Variants in FBXW11 observed in about 807,000 individuals in gnomAD.
The protein encoded by FBXW11 is F-box and WD repeat domain containing 11, also known as F-box/WD repeat-containing protein 11.
In FBXW11, 19 loss-of-function variants were observed where a neutral mutation model predicts 77.6. That is an observed-to-expected ratio of 0.24 (90% CI 0.17 to 0.36). FBXW11 has a LOEUF of 0.36. Ranked by LOEUF, FBXW11 falls within the 10% of genes least tolerant of loss-of-function variation. The probability of loss-of-function intolerance (pLI) is 1.00; values close to 1 mark genes in which losing one functional copy is unlikely to be tolerated. For synonymous variants in FBXW11, 235 were observed against 249.4 expected (o/e 0.94, Z 0.54); for missense variants, 334 against 704.2 (o/e 0.47, Z 5.95).
chr5:171,922,866 A>G (rs752738596), intron 2 of FBXW11, among the ~76,000 whole-genome samples: 7 of 152,150 alleles, frequency 4.6e-5, no homozygotes, highest in African/African-American at 7.2e-5. Context: ...AATGTGGACG[A>G]ATGTTTTTCT....
chr5:171,880,751 C>T (rs1399419665), intron 7 of FBXW11, among the ~76,000 whole-genome samples: 1 of 152,204 alleles, frequency 6.6e-6, no homozygotes, highest in East Asian at 1.9e-4. Context: ...GGCTGGAGTG[C>T]AATGGCGCGA....
At chr5:171,870,587 G>A (rs1307856833) in intron 11 of FBXW11, among the ~76,000 whole-genome samples, 161 bp downstream of exon 11, 2 of 152,170 alleles carry the variant, frequency 1.3e-5, no homozygotes, top group African/African-American at 2.4e-5. Context: ...TTCTGGGCCT[G>A]AGTGTCCTCA....
chr5:172,005,860 C>G lies in FBXW11; in HGVS notation c.45+598G>C, dbSNP rs918596490. 7.2e-5 allele frequency among the ~76,000 whole-genome samples: 11 copies of G among 152,142 alleles called. No homozygotes were observed. The East Asian group carries it at 1.2e-3, about 16-fold the overall frequency. ...AACCCTTTGTCCGAGAAGCCGGACA[C>G]CACAAGGGCCCGGGAAAGAGGCCTC... On this transcript the variant is annotated intron_variant, in intron 1 of 13. Coordinates refer to ENST00000517395, the MANE Select transcript of FBXW11 (RefSeq NM_001378974.1).
At chr5:171,933,284 G>A (rs1378311054) in intron 2 of FBXW11, among the ~76,000 whole-genome samples, 1 of 152,108 alleles carries the variant, frequency 6.6e-6, no homozygotes, top group African/African-American at 2.4e-5. Context: ...CACACCGTGT[G>A]ATCCAACTAG....
intron 2 of FBXW11, among the ~76,000 whole-genome samples, chr5:171,951,300 C>T (rs984116443): frequency 3.9e-5 from 6 of 152,048 alleles, no homozygotes; most frequent in South Asian, 2.1e-4. Flanking sequence ...TTTTGGGAGG[C>T]TGAATTGGGA....
chr5:171,963,252 A>G (rs1764004535), intron 1 of FBXW11, among the ~76,000 whole-genome samples: 1 of 152,146 alleles, frequency 6.6e-6, no homozygotes, highest in African/African-American at 2.4e-5. Context: ...ACCCACCCAA[A>G]GGAAGAGGAT....
intron 1 of FBXW11, among the ~76,000 whole-genome samples, chr5:171,959,731 TC>T (rs1561723389): frequency 6.6e-6 from 1 of 151,488 alleles, no homozygotes; most frequent in African/African-American, 2.4e-5. Context: ...ACACCTGTAA[TC>T]CCAGCTACTT....
chr5:171,927,279 G>T (rs993077562), intron 2 of FBXW11, among the ~76,000 whole-genome samples: 4 of 152,076 alleles, frequency 2.6e-5, no homozygotes, highest in Non-Finnish European at 4.4e-5. Context: ...CTACATATGT[G>T]GATTAGTTTT....
At chr5:171,948,865 A>T (rs990390770) in intron 2 of FBXW11, among the ~76,000 whole-genome samples, 2 of 152,246 alleles carry the variant, frequency 1.3e-5, no homozygotes, top group Non-Finnish European at 2.9e-5. Context: ...ACTGCTAGTA[A>T]GGCAAGGTAT....
chr5:171,958,464 T>A (rs563342603), intron 1 of FBXW11, among the ~76,000 whole-genome samples: 1 of 152,244 alleles, frequency 6.6e-6, no homozygotes, highest in Admixed American at 6.5e-5. Flanking sequence ...ATGCATGATT[T>A]TCAGTGTCAT....
intron 1 of FBXW11, among the ~76,000 whole-genome samples, chr5:171,999,082 AAGG>A (rs2113604260): frequency 6.6e-6 from 1 of 152,282 alleles, no homozygotes; most frequent in African/African-American, 2.4e-5. Flanking sequence ...TCACAACTTT[AAGG>A]AGATCACAAA....
intron 2 of FBXW11, among the ~76,000 whole-genome samples, chr5:171,935,846 C>T (rs1392639711): frequency 6.6e-6 from 1 of 152,004 alleles, no homozygotes; most frequent in Non-Finnish European, 1.5e-5. Context: ...TGTTGTGGCT[C>T]GCACCTGTAA....
At chr5:171,910,879 T>A in intron 3 of FBXW11, 82 bp from the exon 4 acceptor site, 1 of 1,022,810 alleles carries the variant, frequency 9.8e-7, no homozygotes, top group South Asian at 1.8e-5. Flanking sequence ...TTTTTCACCC[T>A]GTGTATTTAA....
intron 1 of FBXW11, among the ~76,000 whole-genome samples, chr5:171,964,096 T>C (rs1764054129): frequency 6.6e-6 from 1 of 152,196 alleles, no homozygotes; most frequent in African/African-American, 2.4e-5. Flanking sequence ...TAAGGATAAG[T>C]CTCTTCGAGA....
chr5:171,872,641 CT>C (rs1757824776), intron 10 of FBXW11, among the ~76,000 whole-genome samples: 2 of 152,176 alleles, frequency 1.3e-5, no homozygotes, highest in South Asian at 4.1e-4. Flanking sequence ...CCAGGTGGAG[CT>C]GAGGTTAAAA....
chr5:171,893,441 A>AAAAAAAAC (rs1759517740), intron 6 of FBXW11, among the ~76,000 whole-genome samples: 1 of 148,614 alleles, frequency 6.7e-6, no homozygotes, highest in African/African-American at 2.5e-5. Flanking sequence ...AAAAAAAAAA[A>AAAAAAAAC]AAAAAACTAA....
At chr5:171,968,676 TG>T (rs2113402461) in intron 1 of FBXW11, among the ~76,000 whole-genome samples, 1 of 152,278 alleles carries the variant, frequency 6.6e-6, no homozygotes, top group South Asian at 2.1e-4. Flanking sequence ...AACCCCAATT[TG>T]TTTTTTAGAC....
intron 1 of FBXW11, among the ~76,000 whole-genome samples, chr5:171,997,958 C>A (rs1275795262): frequency 6.6e-6 from 1 of 152,114 alleles, no homozygotes; most frequent in Non-Finnish European, 1.5e-5. Flanking sequence ...TACTAACTGG[C>A]CAAGCCCTTT....
chr5:171,893,443 A>AAAAAAAAAAAAAAAAAAAAAC (rs1581161758), intron 6 of FBXW11, among the ~76,000 whole-genome samples: 1 of 149,732 alleles, frequency 6.7e-6, no homozygotes, highest in East Asian at 2.0e-4. Flanking sequence ...AAAAAAAAAA[A>AAAAAAAAAAAAAAAAAAAAAC]AAAACTAACC....
Sources: allele counts gnomAD v4.1 joint callset (sites outside exome capture counted in the v4.1 genomes callset), GRCh38; gene constraint gnomAD v4.1.1; transcripts MANE v1.5; gene names NCBI Gene and HGNC (gene_info 2026-07-23, HGNC 2026-07-21).